RBM5: variants seen among roughly 807,000 people sequenced by gnomAD.
The protein encoded by RBM5 is RNA-binding protein 5.
Under a neutral mutation model 124.6 loss-of-function variants are expected in RBM5, and 15 were observed. That is an observed-to-expected ratio of 0.12 (90% CI 0.08 to 0.19). The LOEUF (loss-of-function observed/expected upper bound fraction) is 0.19. Among genes scored for constraint, RBM5 ranks in the 10% least tolerant of loss-of-function variants. RBM5 has a pLI of 1.00. For missense variants in RBM5, 580 were observed against 1,026.5 expected (o/e 0.57, Z 5.94); for synonymous variants, 337 against 361.2 (o/e 0.93, Z 0.76).
chr3:50,106,932 C>T (rs548133162), intron 11 of RBM5, 68 bp downstream of exon 11: 22 of 1,308,518 alleles, frequency 1.7e-5, no homozygotes, highest in South Asian at 1.1e-4. Flanking sequence ...GCTAACTGAA[C>T]GCCAAGCCTG....
rs75700356 is a variant in RBM5, at chr3:50,100,711, T to A, written c.483+106T>A. 1.3e-3 allele frequency: 1,058 copies of A among 846,342 alleles called. 11 individuals carry two copies. The South Asian group carries it at 0.013, about 11-fold the overall frequency. The allele number at this position is 846,342 out of a possible 1,614,324, so 52.4% of individuals were successfully genotyped here. On this transcript the variant is annotated intron_variant, in intron 6 of 24. Transcript: ENST00000347869. This position sits in a 1 kb window ranked among gnomAD's most constrained non-coding sequence, Gnocchi z 5.1. ...TTGTTCCAAAGGAGTGACTTTTTTT[T>A]AAAAAAAAAGCTTTGTATATATTAA...
At position 50,092,055 on chromosome 3, in the gene RBM5, A is replaced by G; in HGVS notation, c.30A>G (p.Thr10=). The stretch of plus-strand genomic sequence containing the variant: ...TTTTCCCTGGCAGAGTGAGTAGAAC[A>G]GAGCGTAGTGGAAGATACGGTTCCA... The part of the protein sequence containing the change: MGSDKRVSR[T]ERSGRYGSII... Residue 10 remains threonine, a synonymous_variant, in exon 3 of 25, where the codon ACA becomes ACG. Coordinates refer to ENST00000347869, the MANE Select transcript of RBM5 (RefSeq NM_005778.4). The G allele has an allele frequency of 6.2e-7, 1 of 1,614,146 alleles. No homozygotes were observed. Among genetic ancestry groups the G allele is most frequent in the South Asian group, 1.1e-5 (1 of 91,084 alleles).
chr3:50,102,861 T>C, intron 6 of RBM5: 1 of 516,010 alleles, frequency 1.9e-6, no homozygotes. Context: ...TTTGACAGCT[T>C]TCTCAGCACT....
rs2091072289 is a variant in RBM5, at chr3:50,108,090, C to T, written c.1062C>T (p.Gly354=). ...SSTQSQSGEG[G]SVDYSYLQPG... is the part of the protein sequence containing the mutation. ...TGTAGTCTCAAAGTGGTGAAGGAGGCAGTGTTGACTACAGTTATCTGCAAC... is the reference window on the plus strand; with the variant it reads ...TGTAGTCTCAAAGTGGTGAAGGAGGTAGTGTTGACTACAGTTATCTGCAAC... The change falls in exon 13 of 25, where the codon GGC becomes GGT. Residue 354 remains glycine (G), a synonymous_variant. Coordinates refer to ENST00000347869, the MANE Select transcript of RBM5 (RefSeq NM_005778.4). 2 of 1,609,706 alleles carry T rather than the reference C, an allele frequency of 1.2e-6. No individual in the cohort carries two copies. The highest frequency in any genetic ancestry group is 1.7e-6 in the Non-Finnish European group (2 of 1,176,032).
rs1466908572 is a variant in RBM5, at chr3:50,110,474, C to G, written c.1363+11C>G. The G allele has an allele frequency of 1.2e-6, 2 of 1,608,168 alleles. No individual in the cohort carries two copies. Among genetic ancestry groups the G allele is most frequent in the South Asian group, 2.2e-5 (2 of 90,892 alleles). On this transcript the variant is annotated intron_variant, in intron 16 of 24. Transcript: ENST00000347869. ...CTGGTACCAAATATGGTAAGCCAAACCTCATGGGGCTGTTGACAGTTGGAA... is the reference window on the plus strand; with the variant it reads ...CTGGTACCAAATATGGTAAGCCAAAGCTCATGGGGCTGTTGACAGTTGGAA...
chr3:50,103,264 T>C, intron 7 of RBM5, 98 bp downstream of exon 7: 1 of 980,172 alleles, frequency 1.0e-6, no homozygotes, highest in Non-Finnish European at 1.6e-6. Context: ...AAATTGTTAC[T>C]CAATCATCAG....
chr3:50,114,403 A>G lies in RBM5; in HGVS notation c.1839+152A>G, dbSNP rs141245736. The G allele has an allele frequency of 1.6e-3, 1,061 of 682,344 alleles. 11 individuals are homozygous for G. In the African/African-American group the frequency reaches 0.018, roughly 11 times the overall value. The allele number at this position is 682,344 out of a possible 1,614,324, so 42.3% of individuals were successfully genotyped here. On this transcript the variant is annotated intron_variant, in intron 20 of 24. Transcript: ENST00000347869. ...GGAGCAGTTTCTGCACATAGATTCC[A>G]TGTCGGGGCTTTGTTTTCTGTGAGA...
chr3:50,100,668 A>T lies in RBM5; in HGVS notation c.483+63A>T, dbSNP rs2090920512. On this transcript the variant is annotated intron_variant, in intron 6 of 24. Coordinates refer to ENST00000347869, the MANE Select transcript of RBM5 (RefSeq NM_005778.4). This position sits in a 1 kb window ranked among gnomAD's most constrained non-coding sequence, Gnocchi z 5.1. ...GGAACAAGTCTGTACAATTTTAAAA[A>T]AAGGTTGAAGGAGTGGTTTGTTCCA... 2 of 1,421,222 alleles carry T rather than the reference A, an allele frequency of 1.4e-6. No homozygotes were observed. Among genetic ancestry groups the T allele is most frequent in the Non-Finnish European group, 2.0e-6 (2 of 1,016,788 alleles). 88.0% of individuals were successfully genotyped at this position (1,421,222 alleles called of 1,614,324 possible).
chr3:50,116,185 C>A, intron 22 of RBM5: 1 of 561,348 alleles, frequency 1.8e-6, no homozygotes, highest in Non-Finnish European at 3.2e-6. Context: ...TAAGGGTGCA[C>A]AAGGCAGAAG....
chr3:50,105,887 G>T (rs1038947700), intron 10 of RBM5, among the ~76,000 whole-genome samples, 178 bp downstream of exon 10: 8 of 152,142 alleles, frequency 5.3e-5, no homozygotes, highest in Admixed American at 1.3e-4. Flanking sequence ...TAAAAATAAT[G>T]TGTATACCTA....
chr3:50,093,621 C>A, intron 3 of RBM5, 99 bp from the exon 4 acceptor site: 1 of 1,342,246 alleles, frequency 7.5e-7, no homozygotes, highest in Non-Finnish European at 1.0e-6. Context: ...CTTGTGTAAT[C>A]TCTGTACACT....
chr3:50,117,456 A>T lies in RBM5; in HGVS notation c.2322+77A>T. On this transcript the variant is annotated intron_variant, in intron 24 of 24. Transcript: ENST00000347869. The surrounding 1 kb of genome is among the most constrained non-coding windows in gnomAD (Gnocchi z 4.2). Reference sequence around the variant, plus strand: ...AGAGATGAGATCAGAGCACTCATAGAGCCTGGGAGCCAGGAGCAGCTTTAC... The same window carrying T: ...AGAGATGAGATCAGAGCACTCATAGTGCCTGGGAGCCAGGAGCAGCTTTAC... 1 of 1,575,314 alleles carries T rather than the reference A, an allele frequency of 6.3e-7. No homozygotes were observed. Among genetic ancestry groups the T allele is most frequent in the Non-Finnish European group, 8.6e-7 (1 of 1,156,468 alleles).
intron 15 of RBM5, 195 bp downstream of exon 15, chr3:50,109,883 G>A (rs930639644): frequency 4.1e-5 from 21 of 508,292 alleles, no homozygotes; most frequent in Non-Finnish European, 6.9e-5. Context: ...AATTTCAACT[G>A]TGTATTTACA....
intron 6 of RBM5, chr3:50,102,766 T>A (rs555608707): frequency 3.1e-6 from 1 of 321,774 alleles, no homozygotes; most frequent in African/African-American, 2.2e-5. Flanking sequence ...AAGTAGACTG[T>A]CACACTCAGG....
chr3:50,111,445 T>C (rs938262194), intron 17 of RBM5, among the ~76,000 whole-genome samples: 2 of 152,178 alleles, frequency 1.3e-5, no homozygotes, highest in African/African-American at 4.8e-5. Context: ...GGCACGATCT[T>C]GGCTCACTGC....
chr3:50,110,540 C>T lies in RBM5; in HGVS notation c.1363+77C>T, dbSNP rs560476699. ...CTTTGTTTAATGAGAGTTCTTCTCC[C>T]TTTGCGGGTGTCAGAGGGACACTTG... On this transcript the variant is annotated intron_variant, in intron 16 of 24. Transcript: ENST00000347869. 2.6e-5 allele frequency: 39 copies of T among 1,493,800 alleles called. No homozygotes were observed. In the African/African-American group the frequency reaches 5.0e-4, roughly 19 times the overall value. The allele number at this position is 1,493,800 out of a possible 1,614,324, so 92.5% of individuals were successfully genotyped here.
intron 4 of RBM5, among the ~76,000 whole-genome samples, chr3:50,097,679 C>T (rs778066303): frequency 5.3e-5 from 8 of 152,068 alleles, no homozygotes; most frequent in Non-Finnish European, 7.4e-5. Context: ...GACATTGGAA[C>T]AAGCCTACCA....
chr3:50,105,532 G>T lies in RBM5; in HGVS notation c.695-17G>T. On this transcript the variant is annotated splice_polypyrimidine_tract_variant and intron_variant, in intron 9 of 24. Transcript: ENST00000347869. ...GTGGGAATGCATGTGTATGTCATTT[G>T]TCTCATTTACCCCTAGCGATCATTC... 1.9e-6 allele frequency: 3 copies of T among 1,608,572 alleles called. No homozygotes were observed. Among genetic ancestry groups the T allele is most frequent in the Non-Finnish European group, 2.6e-6 (3 of 1,176,098 alleles).
At chr3:50,116,951 C>T in intron 22 of RBM5, 123 bp from the exon 23 acceptor site, 1 of 811,664 alleles carries the variant, frequency 1.2e-6, no homozygotes. Flanking sequence ...TATTTCAGAG[C>T]AGTCTAAAAA....
Sources: gnomAD v4.1 joint callset for allele counts (sites outside exome capture counted in the v4.1 genomes callset) on GRCh38, gnomAD v4.1.1 for gene constraint, Gnocchi (gnomAD v3.1) non-coding constraint, MANE v1.5 for transcripts, NCBI Gene and HGNC (gene_info 2026-07-23, HGNC 2026-07-21) for gene names.